ROBO2: variants seen among roughly 807,000 people sequenced by gnomAD.
The protein encoded by ROBO2 is roundabout homolog 2.
Under a neutral mutation model 160.8 loss-of-function variants are expected in ROBO2, and 53 were observed. The ratio of observed to expected loss-of-function variants is 0.33; its 90% CI spans 0.26 to 0.41. The LOEUF is 0.41. Among genes scored for constraint, ROBO2 ranks in the 10% least tolerant of loss-of-function variants. The pLI is 1.00. For synonymous variants in ROBO2, 664 were observed against 611.7 expected, an observed-to-expected ratio of 1.09 and a Z score of -1.26; for missense variants, 1,577 against 1,722.4, an observed-to-expected ratio of 0.92 and a Z score of 1.49.
chr3:76,911,688 C>A (rs941044429), intron 2 of ROBO2, among the ~76,000 whole-genome samples: 4 of 152,038 alleles, frequency 2.6e-5, no homozygotes, highest in African/African-American at 7.2e-5. Context: ...TTTTAATTCT[C>A]AAAATTCATA....
intron 2 of ROBO2, among the ~76,000 whole-genome samples, chr3:76,035,367 A>C (rs2067071863): frequency 1.3e-5 from 2 of 151,952 alleles, no homozygotes; most frequent in Non-Finnish European, 2.9e-5. Flanking sequence ...GTATTATCTC[A>C]GCATGGATTA....
intron 2 of ROBO2, among the ~76,000 whole-genome samples, chr3:77,222,270 G>A (rs991513875): frequency 6.6e-6 from 1 of 152,130 alleles, no homozygotes; most frequent in African/African-American, 2.4e-5. Flanking sequence ...ACCTGCTATA[G>A]AAATATACTA....
chr3:75,942,169 A>C (rs1170225535), intron 2 of ROBO2, among the ~76,000 whole-genome samples: 35 of 152,194 alleles, frequency 2.3e-4, no homozygotes, highest in Admixed American at 2.3e-3. Context: ...ATCTCAGATC[A>C]TGTGATCTAT....
chr3:77,038,712 A>G (rs551750294), upstream of ROBO2, among the ~76,000 whole-genome samples: 322 of 152,164 alleles, frequency 2.1e-3, 4 homozygotes, highest in African/African-American at 7.2e-3. Context: ...GCCCGGCCGC[A>G]CCGGGGCACC....
At chr3:76,184,542 GAGATAGATAGATAGATAGAT>G (rs78271272) in intron 2 of ROBO2, among the ~76,000 whole-genome samples, 53 of 146,406 alleles carry the variant, frequency 3.6e-4, no homozygotes, top group South Asian at 3.4e-3. Flanking sequence ...GAACAAATAG[GAGATAGATAGATAGATAGAT>G]AGATAGATAG....
At chr3:76,567,740 GTTTTATAT>G (rs2084665040) in intron 2 of ROBO2, among the ~76,000 whole-genome samples, 1 of 13,508 alleles carries the variant, frequency 7.4e-5, no homozygotes, top group Non-Finnish European at 1.9e-4. Context: ...TATATATACT[GTTTTATAT>G]ATATATATAT....
At chr3:77,384,041 A>G (rs2073842624) in intron 2 of ROBO2, among the ~76,000 whole-genome samples, 1 of 152,146 alleles carries the variant, frequency 6.6e-6, no homozygotes, top group Non-Finnish European at 1.5e-5. Flanking sequence ...GCCGCCCTGA[A>G]AATTTTCAGA....
chr3:76,118,598 C>A (rs1384075072), intron 2 of ROBO2, among the ~76,000 whole-genome samples: 2 of 152,036 alleles, frequency 1.3e-5, no homozygotes, highest in African/African-American at 2.4e-5. Context: ...ATTATTGGAT[C>A]GCACTTGGCT....
intron 5 of ROBO2, among the ~76,000 whole-genome samples, chr3:77,505,807 T>C (rs916440835): frequency 3.3e-5 from 5 of 152,170 alleles, no homozygotes; most frequent in African/African-American, 1.2e-4. Context: ...GAGGGGCAAA[T>C]ATAAATGAGA....
intron 2 of ROBO2, among the ~76,000 whole-genome samples, chr3:76,632,358 T>C (rs959249521): frequency 6.6e-6 from 1 of 152,212 alleles, no homozygotes; most frequent in Non-Finnish European, 1.5e-5. Flanking sequence ...TGCTTGCTTC[T>C]GTGCATTAGC....
intron 2 of ROBO2, among the ~76,000 whole-genome samples, chr3:76,483,392 G>A (rs1159586241): frequency 6.6e-6 from 1 of 151,552 alleles, no homozygotes; most frequent in Non-Finnish European, 1.5e-5. Flanking sequence ...GTGTGATGCT[G>A]AGGTTTGGGG....
chr3:77,241,596 A>G (rs988190859), intron 2 of ROBO2, among the ~76,000 whole-genome samples: 1 of 152,174 alleles, frequency 6.6e-6, no homozygotes, highest in African/African-American at 2.4e-5. Context: ...AACAACATGC[A>G]CTATCCATCT....
chr3:76,006,018 G>A (rs1287402110), intron 2 of ROBO2, among the ~76,000 whole-genome samples: 2 of 152,118 alleles, frequency 1.3e-5, no homozygotes, highest in African/African-American at 4.8e-5. Flanking sequence ...GACCAGTTAT[G>A]TTTGGTTTCT....
chr3:76,434,679 C>G (rs1212713411), intron 2 of ROBO2: 21 of 1,140,586 alleles, frequency 1.8e-5, no homozygotes, highest in African/African-American at 4.5e-5. Flanking sequence ...TCTGCTGGAT[C>G]AGGTCCTCCT....
chr3:76,257,113 G>A (rs1287644505), intron 2 of ROBO2, among the ~76,000 whole-genome samples: 4 of 151,792 alleles, frequency 2.6e-5, no homozygotes, highest in African/African-American at 9.7e-5. Flanking sequence ...ACAACATTAG[G>A]GATTACAACT....
At chr3:76,077,553 A>T (rs60519416) in intron 2 of ROBO2, among the ~76,000 whole-genome samples, 20,115 of 152,078 alleles carry the variant, frequency 0.13, 1,395 homozygotes, top group Non-Finnish European at 0.15. Flanking sequence ...ACAAAGCGAG[A>T]CTTCATCTCA....
intron 2 of ROBO2, among the ~76,000 whole-genome samples, chr3:77,110,277 G>A (rs375344098): frequency 6.6e-6 from 1 of 152,182 alleles, no homozygotes; most frequent in African/African-American, 2.4e-5. Context: ...AAAGAAATAT[G>A]ATAATAGCAA....
At chr3:76,616,548 C>G (rs1464780186) in intron 2 of ROBO2, among the ~76,000 whole-genome samples, 1 of 152,158 alleles carries the variant, frequency 6.6e-6, no homozygotes, top group Non-Finnish European at 1.5e-5. Flanking sequence ...GTTATACTAA[C>G]AGTTATGACT....
chr3:76,930,670 G>A (rs2077280749), intron 2 of ROBO2, among the ~76,000 whole-genome samples: 1 of 152,190 alleles, frequency 6.6e-6, no homozygotes, highest in African/African-American at 2.4e-5. Flanking sequence ...AAATGGGAAA[G>A]CTGGTAATAC....
Sources: allele counts gnomAD v4.1 joint callset (sites outside exome capture counted in the v4.1 genomes callset), GRCh38; gene constraint gnomAD v4.1.1; transcripts MANE v1.5; gene names NCBI Gene and HGNC (gene_info 2026-07-23, HGNC 2026-07-21).